ATRNL1: variants seen among roughly 807,000 people sequenced by gnomAD.
ATRNL1 encodes the protein attractin like 1.
In ATRNL1, 95 loss-of-function variants were observed where a neutral mutation model predicts 182.7. The observed-to-expected ratio is 0.52, with a 90% confidence interval of 0.44 to 0.62. The LOEUF is 0.62. Ranked by LOEUF, ATRNL1 falls within the 20% of genes least tolerant of loss-of-function variation. The pLI is 0.00. For missense variants in ATRNL1, 1,471 were observed against 1,679.5 expected, an observed-to-expected ratio of 0.88 and a Z score of 2.17; for synonymous variants, 576 against 568.3, an observed-to-expected ratio of 1.01 and a Z score of -0.19.
intron 27 of ATRNL1, among the ~76,000 whole-genome samples, chr10:115,765,348 G>A (rs1168390573): frequency 2.6e-5 from 4 of 152,084 alleles, no homozygotes; most frequent in African/African-American, 7.2e-5. Context: ...CAGTGTTTTC[G>A]ATTTTGGTCA....
At chr10:115,379,278 T>C (rs1031195150) in intron 19 of ATRNL1, among the ~76,000 whole-genome samples, 12 of 152,304 alleles carry the variant, frequency 7.9e-5, no homozygotes, top group Admixed American at 3.9e-4. Flanking sequence ...TAGCCACAAA[T>C]GCTGACAACA....
chr10:115,301,656 G>C (rs181474909), intron 16 of ATRNL1, among the ~76,000 whole-genome samples, 199 bp from the exon 17 acceptor site: 38 of 152,114 alleles, frequency 2.5e-4, no homozygotes, highest in African/African-American at 9.2e-4. Context: ...AAATTTCAAA[G>C]GAGTTATACA....
At chr10:115,545,249 A>G (rs955881109) in intron 25 of ATRNL1, among the ~76,000 whole-genome samples, 5 of 151,370 alleles carry the variant, frequency 3.3e-5, no homozygotes, top group East Asian at 1.9e-4. Flanking sequence ...AAAAAAAAAA[A>G]AAAAAAAAGA....
chr10:115,528,045 C>T (rs34128407), intron 25 of ATRNL1, among the ~76,000 whole-genome samples: 49 of 41,424 alleles, frequency 1.2e-3, no homozygotes, highest in African/African-American at 3.2e-3. Flanking sequence ...TTTCTTCCTT[C>T]CTTCCTTCCT....
intron 8 of ATRNL1, among the ~76,000 whole-genome samples, chr10:115,172,442 T>A (rs1554885887): frequency 6.6e-6 from 1 of 152,024 alleles, no homozygotes; most frequent in Non-Finnish European, 1.5e-5. Context: ...AAGGCAAATA[T>A]TTTTATGTTG....
chr10:115,741,085 A>C lies in ATRNL1; in HGVS notation c.3903+13730A>C, dbSNP rs942436918. Among the ~76,000 whole-genome samples the C allele has an allele frequency of 4.6e-5, 7 of 152,172 alleles. No homozygotes were observed. In the South Asian group the frequency reaches 1.4e-3, roughly 31 times the overall value. On this transcript the variant is annotated intron_variant, in intron 27 of 28. Transcript: ENST00000355044. ...TCTCCACAAATATTGACCTATATGCAAAGCAATACAGGAGGTAGATATGGA... is the reference window on the plus strand; with the variant it reads ...TCTCCACAAATATTGACCTATATGCCAAGCAATACAGGAGGTAGATATGGA...
chr10:115,432,244 A>G (rs765306897), intron 21 of ATRNL1, among the ~76,000 whole-genome samples: 8 of 152,154 alleles, frequency 5.3e-5, no homozygotes, highest in Non-Finnish European at 1.2e-4. Context: ...TTTACATTCC[A>G]TACTTACATC....
intron 26 of ATRNL1, among the ~76,000 whole-genome samples, chr10:115,698,922 ATAAAC>A (rs1946648322): frequency 6.6e-6 from 1 of 152,200 alleles, no homozygotes; most frequent in Non-Finnish European, 1.5e-5. Flanking sequence ...AAGTAGCCAG[ATAAAC>A]TAAATACACT....
chr10:115,117,309 A>G (rs1354788686), intron 1 of ATRNL1, among the ~76,000 whole-genome samples: 4 of 151,548 alleles, frequency 2.6e-5, no homozygotes, highest in African/African-American at 7.3e-5. Flanking sequence ...CATTCATTCT[A>G]TTTTTTTGTA....
chr10:115,140,924 C>T (rs536759177), intron 5 of ATRNL1, among the ~76,000 whole-genome samples: 1 of 152,244 alleles, frequency 6.6e-6, no homozygotes, highest in African/African-American at 2.4e-5. Context: ...CAAGACCTTT[C>T]TTAATTCCAA....
At chr10:115,120,118 T>A (rs1554871123) in intron 1 of ATRNL1, 67 bp from the exon 2 acceptor site, 1 of 933,934 alleles carries the variant, frequency 1.1e-6, no homozygotes, top group Non-Finnish European at 1.7e-6. Flanking sequence ...TTAAATTTTC[T>A]TATCCTGCTA....
chr10:115,124,871 G>A (rs1199616994), intron 3 of ATRNL1, among the ~76,000 whole-genome samples: 3 of 152,174 alleles, frequency 2.0e-5, no homozygotes, highest in East Asian at 1.9e-4. Flanking sequence ...TCATGCATTA[G>A]TGGGGGTATG....
intron 27 of ATRNL1, among the ~76,000 whole-genome samples, chr10:115,777,778 G>A (rs1341856183): frequency 6.6e-6 from 1 of 152,046 alleles, no homozygotes. Context: ...GAAGAAATAT[G>A]CAACCCTTGG....
intron 9 of ATRNL1, among the ~76,000 whole-genome samples, chr10:115,233,477 A>G (rs1414212149): frequency 6.6e-6 from 1 of 152,116 alleles, no homozygotes; most frequent in Non-Finnish European, 1.5e-5. Context: ...ACAAATAATG[A>G]CAGTTTTGTT....
intron 8 of ATRNL1, among the ~76,000 whole-genome samples, chr10:115,184,211 A>T (rs1448286645): frequency 2.6e-5 from 4 of 151,540 alleles, no homozygotes; most frequent in African/African-American, 9.7e-5. Context: ...GCTTGAGAAA[A>T]TGGGAATGGA....
At chr10:115,478,949 T>C (rs1848645310) in intron 24 of ATRNL1, among the ~76,000 whole-genome samples, 2 of 151,666 alleles carry the variant, frequency 1.3e-5, no homozygotes, top group Non-Finnish European at 3.0e-5. Flanking sequence ...ATTAATTTAT[T>C]CTGTAAAACA....
intron 25 of ATRNL1, among the ~76,000 whole-genome samples, chr10:115,527,893 TC>T: frequency 1.6e-5 from 1 of 62,444 alleles, no homozygotes; most frequent in Non-Finnish European, 3.7e-5. Flanking sequence ...CCTCCTTCCC[TC>T]CCTTCCTTCC....
chr10:115,479,523 GGT>G (rs1848669708), intron 24 of ATRNL1, among the ~76,000 whole-genome samples: 1 of 151,010 alleles, frequency 6.6e-6, no homozygotes, highest in East Asian at 1.9e-4. Flanking sequence ...ACTTTAATAG[GGT>G]GTTTTATGTT....
At chr10:115,552,940 G>T (rs1317133560) in intron 26 of ATRNL1, among the ~76,000 whole-genome samples, 6 of 151,232 alleles carry the variant, frequency 4.0e-5, no homozygotes, top group East Asian at 1.9e-4. Context: ...TTTTACAGCG[G>T]TATTAAAAAC....
Sources: allele counts gnomAD v4.1 joint callset (sites outside exome capture counted in the v4.1 genomes callset), GRCh38; gene constraint gnomAD v4.1.1; transcripts MANE v1.5; gene names NCBI Gene and HGNC (gene_info 2026-07-23, HGNC 2026-07-21).